SATB2: variants seen among roughly 807,000 people sequenced by gnomAD.
SATB2 encodes the protein SATB homeobox 2.
Under a neutral mutation model 73.4 loss-of-function variants are expected in SATB2, and 1 was observed. The ratio of observed to expected loss-of-function variants is 0.01; its 90% CI spans 0.00 to 0.06. The LOEUF (loss-of-function observed/expected upper bound fraction) is 0.06. SATB2 is among the 10% of genes least tolerant of loss of function. SATB2 has a pLI of 1.00. For synonymous variants in SATB2, 397 were observed against 367.0 expected (o/e 1.08, Z -0.93); for missense variants, 459 against 945.8 (o/e 0.49, Z 6.75).
Position 199,433,533 on chromosome 2 carries a change from A to G in SATB2, c.170-19T>C. On this transcript the variant is annotated intron_variant, in intron 2 of 10. Coordinates refer to ENST00000417098, the MANE Select transcript of SATB2 (RefSeq NM_001172509.2). ...ATCAAACCTGAAGGGACAAAATTCA[A>G]GAGCAAAACACAAACATTAAAAAGC... The G allele has an allele frequency of 6.2e-7, 1 of 1,612,628 alleles. No homozygotes were observed. The highest frequency in any genetic ancestry group is 8.5e-7 in the Non-Finnish European group (1 of 1,178,598).
rs2105956249 is a variant in SATB2, at chr2:199,455,239, C to G, written c.169+630G>C. The stretch of plus-strand genomic sequence containing the variant: ...AAACTACATCTAGTTGATAAGGCTA[C>G]TTTGCTATTTTTATCTGTTCTCCTA... On this transcript the variant is annotated intron_variant, in intron 2 of 10. Coordinates refer to ENST00000417098, the MANE Select transcript of SATB2 (RefSeq NM_001172509.2). This position sits in a 1 kb window ranked among gnomAD's most constrained non-coding sequence, Gnocchi z 4.1. Among the ~76,000 whole-genome samples the G allele has an allele frequency of 6.6e-6, 1 of 152,308 alleles. No homozygotes were observed. Among genetic ancestry groups the G allele is most frequent in the East Asian group, 1.9e-4 (1 of 5,182 alleles).
At chr2:199,286,941 C>A (rs1007753412) in intron 10 of SATB2, among the ~76,000 whole-genome samples, 1 of 152,132 alleles carries the variant, frequency 6.6e-6, no homozygotes, top group Non-Finnish European at 1.5e-5. Flanking sequence ...TTAAGTTAAA[C>A]ATAACCAGGT....
intron 10 of SATB2, among the ~76,000 whole-genome samples, chr2:199,304,703 T>C (rs1269562054): frequency 6.6e-6 from 1 of 152,182 alleles, no homozygotes; most frequent in Non-Finnish European, 1.5e-5. Flanking sequence ...CGAAGTGTGT[T>C]CAGATCCTGA....
intron 10 of SATB2, among the ~76,000 whole-genome samples, chr2:199,282,049 T>C (rs1450167982): frequency 6.6e-6 from 1 of 151,986 alleles, no homozygotes; most frequent in Non-Finnish European, 1.5e-5. Flanking sequence ...ACCCAGCTAA[T>C]TTTTTGTATT....
intron 10 of SATB2, among the ~76,000 whole-genome samples, chr2:199,299,663 C>T (rs1276802059): frequency 6.6e-6 from 1 of 151,682 alleles, no homozygotes; most frequent in African/African-American, 2.4e-5. Context: ...ATATGTGGTG[C>T]CTGGAATAAC....
upstream of SATB2, among the ~76,000 whole-genome samples, chr2:199,466,952 C>T (rs770772646): frequency 6.6e-6 from 1 of 152,254 alleles, no homozygotes; most frequent in Admixed American, 6.5e-5. Context: ...AGTTATGCGC[C>T]GTGAACTCTT....
intron 7 of SATB2, among the ~76,000 whole-genome samples, chr2:199,345,428 C>T (rs576017348): frequency 2.5e-4 from 34 of 133,710 alleles, no homozygotes; most frequent in Non-Finnish European, 4.9e-4. Context: ...CCCCCTCCCC[C>T]CACAAACTCA....
chr2:199,416,468 T>C (rs1297596043), intron 3 of SATB2, among the ~76,000 whole-genome samples: 1 of 152,144 alleles, frequency 6.6e-6, no homozygotes, highest in Non-Finnish European at 1.5e-5. Context: ...CATCTACTAG[T>C]TGGCAGGAGA....
intron 5 of SATB2, among the ~76,000 whole-genome samples, chr2:199,370,946 C>CAAAAAAAAAAAAA: frequency 1.4e-5 from 1 of 69,566 alleles, no homozygotes; most frequent in Non-Finnish European, 3.1e-5. Flanking sequence ...ATGAACTGAG[C>CAAAAAAAAAAAAA]AAAAAAAAAA....
intron 10 of SATB2, among the ~76,000 whole-genome samples, chr2:199,306,671 T>C (rs1459516881): frequency 6.6e-6 from 1 of 152,184 alleles, no homozygotes; most frequent in African/African-American, 2.4e-5. Flanking sequence ...ATTGGCTGTC[T>C]GCTTCTAAGA....
At position 199,393,322 on chromosome 2, in the gene SATB2, G is replaced by A. The variant is rs570669540; in HGVS notation, c.347-11502C>T. On this transcript the variant is annotated intron_variant, in intron 3 of 10. Coordinates refer to ENST00000417098, the MANE Select transcript of SATB2 (RefSeq NM_001172509.2). ...AAGGTCACTGTGCCGTGGCCAGTGG[G>A]CAGTGCCAGCTTTCTTTGCAGGTTG... 3.3e-5 allele frequency among the ~76,000 whole-genome samples: 5 copies of A among 152,288 alleles called. No individual in the cohort carries two copies. The East Asian group carries it at 9.6e-4, about 29-fold the overall frequency.
chr2:199,370,937 T>C lies in SATB2; in HGVS notation c.598-2230A>G, dbSNP rs149586378. Among the ~76,000 whole-genome samples, 1,049 of 107,390 alleles carry C rather than the reference T, an allele frequency of 9.8e-3. 9 individuals are homozygous for C. Among genetic ancestry groups the C allele is most frequent in the African/African-American group, 0.036 (980 of 26,860 alleles). The allele number at this position is 107,390 out of a possible 152,430, so 70.5% of individuals were successfully genotyped here. On this transcript the variant is annotated intron_variant, in intron 5 of 10. Coordinates refer to ENST00000417098, the MANE Select transcript of SATB2 (RefSeq NM_001172509.2). Reference sequence around the variant, plus strand: ...CAAAAACATAAACAGGTTTCAACTATGAACTGAGCAAAAAAAAAAAAAAAA... The same window carrying C: ...CAAAAACATAAACAGGTTTCAACTACGAACTGAGCAAAAAAAAAAAAAAAA...
rs374499258 is a variant in SATB2 at position 199,280,868 on chromosome 2, C to T, written c.1741-8196G>A. ...CCATTTACCTTGTGATATCTTATTACCTTGTGAAGCATGTGCTCTCTGTGA... is the reference window on the plus strand; with the variant it reads ...CCATTTACCTTGTGATATCTTATTATCTTGTGAAGCATGTGCTCTCTGTGA... On this transcript the variant is annotated intron_variant, in intron 10 of 10. Transcript: ENST00000417098. 2.0e-5 allele frequency among the ~76,000 whole-genome samples: 3 copies of T among 152,150 alleles called. No individual in the cohort carries two copies. In the South Asian group the frequency reaches 6.2e-4, roughly 32 times the overall value.
intron 3 of SATB2, among the ~76,000 whole-genome samples, chr2:199,386,712 GCGCGCACACACACA>G (rs1386672675): frequency 0.035 from 2,342 of 67,484 alleles, 41 homozygotes; most frequent in Admixed American, 0.082. Context: ...GCGCGCGCGC[GCGCGCACACACACA>G]CACACACACA....
chr2:199,346,724 C>G (rs1688661185), intron 7 of SATB2: 1 of 152,104 alleles, frequency 6.6e-6, no homozygotes, highest in African/African-American at 2.4e-5. Flanking sequence ...TAACAATGAA[C>G]CACTGATAAA....
intron 10 of SATB2, among the ~76,000 whole-genome samples, chr2:199,275,153 T>A (rs1422976818): frequency 6.6e-6 from 1 of 152,192 alleles, no homozygotes; most frequent in Non-Finnish European, 1.5e-5. Context: ...TTTAATTGAA[T>A]AATTAGATTG....
At chr2:199,420,307 G>T (rs373557630) in intron 3 of SATB2, among the ~76,000 whole-genome samples, 1 of 152,126 alleles carries the variant, frequency 6.6e-6, no homozygotes, top group African/African-American at 2.4e-5. Context: ...ATGTTTCCTA[G>T]CATTATCATT....
intron 3 of SATB2, among the ~76,000 whole-genome samples, chr2:199,408,677 C>T (rs1368838898): frequency 9.8e-5 from 1 of 10,220 alleles, no homozygotes; most frequent in Non-Finnish European, 2.1e-4. Flanking sequence ...TTGTTTAGTC[C>T]ACAAAAAAAA....
intron 10 of SATB2, among the ~76,000 whole-genome samples, chr2:199,303,541 G>A (rs1687343817): frequency 6.6e-6 from 1 of 152,116 alleles, no homozygotes; most frequent in South Asian, 2.1e-4. Flanking sequence ...TCTTGGCATT[G>A]TAGATCACAT....
Sources: allele counts gnomAD v4.1 joint callset (sites outside exome capture counted in the v4.1 genomes callset), GRCh38; gene constraint gnomAD v4.1.1; non-coding constraint Gnocchi (gnomAD v3.1); transcripts MANE v1.5; gene names NCBI Gene and HGNC (gene_info 2026-07-23, HGNC 2026-07-21).